Variants in ZNF536 observed in about 807,000 individuals in gnomAD.
ZNF536 encodes the protein zinc finger protein 536.
Under a neutral mutation model 84.5 loss-of-function variants are expected in ZNF536, and 13 were observed. That is an observed-to-expected ratio of 0.15 (90% CI 0.10 to 0.24). ZNF536 has a LOEUF of 0.24. Among genes scored for constraint, ZNF536 ranks in the 10% least tolerant of loss-of-function variants. ZNF536 has a pLI of 1.00. For synonymous variants in ZNF536, 811 were observed against 742.5 expected (o/e 1.09, Z -1.50); for missense variants, 1,536 against 1,747.5 (o/e 0.88, Z 2.16).
rs890904520 is a variant in ZNF536 at position 30,346,284 on chromosome 19, C to T, written c.-119-6084C>T. The stretch of plus-strand genomic sequence containing the variant: ...GGAAAAGGATTCTGCTACTAGGAAA[C>T]GCTGACAAATCATATATTTAGACCA... On this transcript the variant is annotated intron_variant, in intron 2 of 5. Coordinates refer to the ZNF536 transcript ENST00000585628. Among the ~76,000 whole-genome samples, 10 of 152,300 alleles carry T rather than the reference C, an allele frequency of 6.6e-5. No homozygotes were observed. The East Asian group carries it at 7.7e-4, about 12-fold the overall frequency.
rs543531461 is a variant in ZNF536 at position 30,618,595 on chromosome 19, G to T, written c.169+69081G>T. On this transcript the variant is annotated intron_variant, in intron 1 of 1. Coordinates refer to the ZNF536 transcript ENST00000592773. Reference sequence around the variant, plus strand: ...TTTCTTTTGTCTTTCTTTTGTTTTTGTCTTATGTTATCTGAGCTTTCTTTG... The same window carrying T: ...TTTCTTTTGTCTTTCTTTTGTTTTTTTCTTATGTTATCTGAGCTTTCTTTG... 3.9e-5 allele frequency among the ~76,000 whole-genome samples: 6 copies of T among 151,934 alleles called. No individual in the cohort carries two copies. The South Asian group carries it at 1.2e-3, about 32-fold the overall frequency.
At chr19:30,508,489 G>T (rs1260444918) in intron 2 of ZNF536, among the ~76,000 whole-genome samples, 1 of 152,186 alleles carries the variant, frequency 6.6e-6, no homozygotes, top group Non-Finnish European at 1.5e-5. Flanking sequence ...CTGCCACATG[G>T]TGAATGACAG....
At chr19:30,347,490 T>G (rs1211298935) in intron 2 of ZNF536, among the ~76,000 whole-genome samples, 2 of 152,160 alleles carry the variant, frequency 1.3e-5, no homozygotes, top group African/African-American at 4.8e-5. Context: ...AAGTTGAGTA[T>G]TTATGGGGTG....
chr19:30,521,169 G>T lies in ZNF536; in HGVS notation c.2171-13678G>T, dbSNP rs542256345. On this transcript the variant is annotated intron_variant, in intron 2 of 4. Coordinates refer to ENST00000355537, the MANE Select transcript of ZNF536 (RefSeq NM_014717.3). ...GAGTTTAGATTCAGACTTGGCTCCC[G>T]GAGTCCCTTGGTGTTTTGAGGTGCT... Among the ~76,000 whole-genome samples, 4 of 152,326 alleles carry T rather than the reference G, an allele frequency of 2.6e-5. No homozygotes were observed. The East Asian group carries it at 5.8e-4, about 22-fold the overall frequency.
intron 2 of ZNF536, among the ~76,000 whole-genome samples, chr19:30,505,534 C>A (rs987849052): frequency 1.3e-5 from 2 of 150,196 alleles, no homozygotes; most frequent in African/African-American, 4.9e-5. Context: ...GATGTTTGAC[C>A]AAGGATATTC....
At position 30,548,164 on chromosome 19, in the gene ZNF536, G is replaced by A. The variant is rs752609778; in HGVS notation, c.2545G>A (p.Asp849Asn). ...GGCCTTCAAGGGTCTCCCTGGAATC[G>A]ACTTCAGAGGAGGCCCTGCATCTCA... is the stretch of plus-strand genomic sequence containing the variant. Reference protein sequence around the residue: ...RGAFKGLPGIDFRGGPASQQW... With the variant: ...RGAFKGLPGINFRGGPASQQW... Residue 849 changes from aspartate (D) to asparagine (N), a missense_variant, in exon 4 of 5, where the codon GAC (aspartate) becomes AAC (asparagine). Asp to Asn is a conservative substitution (Grantham distance 23, BLOSUM62 1). Coordinates refer to ENST00000355537, the MANE Select transcript of ZNF536 (RefSeq NM_014717.3). 1.9e-6 allele frequency: 3 copies of A among 1,614,112 alleles called. No individual in the cohort carries two copies. The highest frequency in any genetic ancestry group is 2.5e-6 in the Non-Finnish European group (3 of 1,180,008).
chr19:30,415,759 C>T (rs1400099084), intron 1 of ZNF536, among the ~76,000 whole-genome samples: 1 of 152,060 alleles, frequency 6.6e-6, no homozygotes, highest in Non-Finnish European at 1.5e-5. Context: ...TACAGGTGCC[C>T]ACCACCGTGC....
intron 1 of ZNF536, among the ~76,000 whole-genome samples, chr19:30,387,568 G>A (rs1170175067): frequency 6.6e-6 from 1 of 152,216 alleles, no homozygotes; most frequent in Non-Finnish European, 1.5e-5. Context: ...AGCCGTGGAG[G>A]CCGTTTTTCA....
chr19:30,505,826 C>A (rs549432203), intron 2 of ZNF536, among the ~76,000 whole-genome samples: 42 of 151,984 alleles, frequency 2.8e-4, no homozygotes, highest in Admixed American at 2.7e-3. Context: ...CCAACGCACC[C>A]GGCTAATTTT....
chr19:30,264,358 T>TGGG (rs2025384443), intron 1 of ZNF536, among the ~76,000 whole-genome samples: 1 of 130,236 alleles, frequency 7.7e-6, no homozygotes, highest in East Asian at 2.4e-4. Context: ...CACCCTCCCC[T>TGGG]GATCCCCCCA....
intron 1 of ZNF536, among the ~76,000 whole-genome samples, chr19:30,233,091 G>A (rs1008023120): frequency 6.6e-6 from 1 of 152,108 alleles, no homozygotes; most frequent in Non-Finnish European, 1.5e-5. Context: ...ACTAAACAGG[G>A]GAAGACCCAT....
At chr19:30,457,041 C>CAAAA (rs11405582) in intron 2 of ZNF536, among the ~76,000 whole-genome samples, 2 of 117,850 alleles carry the variant, frequency 1.7e-5, no homozygotes, top group Non-Finnish European at 3.4e-5. Flanking sequence ...GACTTCATCT[C>CAAAA]AAAAAAAAAA....
At chr19:30,631,026 G>A (rs1338194496) in intron 1 of ZNF536, among the ~76,000 whole-genome samples, 1 of 152,164 alleles carries the variant, frequency 6.6e-6, no homozygotes. Context: ...GTGTGTATTT[G>A]GAAGGCTCCC....
chr19:30,621,251 C>CT (rs34767903), intron 1 of ZNF536, among the ~76,000 whole-genome samples: 1 of 151,906 alleles, frequency 6.6e-6, no homozygotes, highest in Non-Finnish European at 1.5e-5. Flanking sequence ...TATTATTAGA[C>CT]TTTTTTTCCC....
At chr19:30,406,344 A>T (rs1327794533) in intron 1 of ZNF536, among the ~76,000 whole-genome samples, 1 of 152,078 alleles carries the variant, frequency 6.6e-6, no homozygotes, top group Admixed American at 6.5e-5. Context: ...AAGGATCAGG[A>T]GCAGGTGCCA....
intron 1 of ZNF536, among the ~76,000 whole-genome samples, chr19:30,572,650 G>C (rs1040765646): frequency 6.6e-6 from 1 of 152,182 alleles, no homozygotes; most frequent in Non-Finnish European, 1.5e-5. Flanking sequence ...GAGTAATCAA[G>C]ATGACATCTC....
intron 3 of ZNF536, among the ~76,000 whole-genome samples, chr19:30,547,465 T>C (rs1235235772): frequency 6.6e-6 from 1 of 152,192 alleles, no homozygotes; most frequent in African/African-American, 2.4e-5. Flanking sequence ...AAGACTTAAA[T>C]CATTCATTTC....
At chr19:30,267,541 C>A (rs2025577847) in intron 1 of ZNF536, among the ~76,000 whole-genome samples, 1 of 151,958 alleles carries the variant, frequency 6.6e-6, no homozygotes, top group East Asian at 1.9e-4. Context: ...TGCTACCAAC[C>A]CTGTCCATCT....
At chr19:30,574,523 C>T (rs943644180) in intron 1 of ZNF536, among the ~76,000 whole-genome samples, 9 of 152,224 alleles carry the variant, frequency 5.9e-5, no homozygotes, top group African/African-American at 2.2e-4. Flanking sequence ...CACTGATGCC[C>T]AAGGTCCAGC....
Sources: gnomAD v4.1 joint callset for allele counts (sites outside exome capture counted in the v4.1 genomes callset) on GRCh38, gnomAD v4.1.1 for gene constraint, MANE v1.5 for transcripts, NCBI Gene and HGNC (gene_info 2026-07-23, HGNC 2026-07-21) for gene names.